Variants in TASP1 observed in about 807,000 individuals in gnomAD.
TASP1 encodes threonine aspartase 1.
A neutral mutation model predicts 56.6 loss-of-function variants in TASP1; 16 were observed. That is an observed-to-expected ratio of 0.28 (90% CI 0.19 to 0.43). TASP1 has a LOEUF of 0.43. TASP1 is among the 20% of genes least tolerant of loss of function. The pLI is 1.00. For synonymous variants in TASP1, 179 were observed against 184.2 expected, an observed-to-expected ratio of 0.97 and a Z score of 0.23; for missense variants, 393 against 511.6, an observed-to-expected ratio of 0.77 and a Z score of 2.24.
chr20:13,227,909 T>C, the TASP1 span, among the ~76,000 whole-genome samples: 1,771 of 152,178 alleles, frequency 0.012, 35 homozygotes, highest in African/African-American at 0.04. Context: ...CCAATAATTA[T>C]TTAGACTTAA....
the TASP1 span, among the ~76,000 whole-genome samples, chr20:13,295,367 A>G: frequency 4.6e-5 from 7 of 152,212 alleles, no homozygotes; most frequent in Non-Finnish European, 8.8e-5. Context: ...CCTAAACTGA[A>G]CAAGATTGCC....
intron 11 of TASP1, among the ~76,000 whole-genome samples, chr20:13,435,930 G>C (rs2042986729): frequency 6.6e-6 from 1 of 152,082 alleles, no homozygotes; most frequent in South Asian, 2.1e-4. Flanking sequence ...TTAAATACAT[G>C]TATTTTTCTC....
At chr20:13,509,114 G>A (rs1054795234) in intron 10 of TASP1, among the ~76,000 whole-genome samples, 5 of 132,810 alleles carry the variant, frequency 3.8e-5, no homozygotes, top group Non-Finnish European at 8.1e-5. Context: ...ATGAATGAAT[G>A]AATGAAGAAA....
chr20:13,522,984 A>G (rs1341328457), intron 10 of TASP1, among the ~76,000 whole-genome samples: 3 of 152,198 alleles, frequency 2.0e-5, no homozygotes, highest in African/African-American at 7.2e-5. Context: ...TGTTGCTTAT[A>G]GGACTAAAGG....
the TASP1 span, among the ~76,000 whole-genome samples, chr20:13,257,175 A>G: frequency 7.2e-5 from 11 of 152,166 alleles, no homozygotes; most frequent in Non-Finnish European, 1.6e-4. Flanking sequence ...TGTATGTCTT[A>G]TTGGCTGGAA....
chr20:13,416,192 T>C (rs1449523513), intron 13 of TASP1, among the ~76,000 whole-genome samples: 1 of 152,220 alleles, frequency 6.6e-6, no homozygotes, highest in Non-Finnish European at 1.5e-5. Context: ...AACAGAGATA[T>C]AAAATGTTTA....
At chr20:13,507,814 T>C (rs1197478492) in intron 10 of TASP1, among the ~76,000 whole-genome samples, 1 of 152,146 alleles carries the variant, frequency 6.6e-6, no homozygotes, top group Admixed American at 6.5e-5. Context: ...GCATCATGTG[T>C]CCTAACTTCA....
At chr20:13,398,991 C>G (rs1248021057) in intron 13 of TASP1, among the ~76,000 whole-genome samples, 6 of 152,150 alleles carry the variant, frequency 3.9e-5, no homozygotes, top group African/African-American at 1.4e-4. Context: ...CCCTCTTTAT[C>G]AAAATAAGAA....
the TASP1 span, among the ~76,000 whole-genome samples, chr20:13,295,188 G>A: frequency 1.3e-5 from 2 of 152,130 alleles, no homozygotes; most frequent in African/African-American, 4.8e-5. Context: ...CCTGGCAGCT[G>A]TAACTCTCTG....
the TASP1 span, among the ~76,000 whole-genome samples, chr20:13,363,825 G>A: frequency 6.6e-6 from 1 of 152,330 alleles, no homozygotes; most frequent in East Asian, 1.9e-4. Flanking sequence ...TGTCAGAAGT[G>A]TTGCATTGAG....
At chr20:13,248,658 T>C in the TASP1 span, among the ~76,000 whole-genome samples, 1 of 152,228 alleles carries the variant, frequency 6.6e-6, no homozygotes, top group Non-Finnish European at 1.5e-5. Flanking sequence ...TTCAGTTCAC[T>C]TCTTTTCGTC....
the TASP1 span, among the ~76,000 whole-genome samples, chr20:13,113,577 T>C: frequency 1.3e-5 from 2 of 152,216 alleles, no homozygotes; most frequent in Non-Finnish European, 2.9e-5. Context: ...TTATTATTCA[T>C]ATGTAGAATA....
At position 13,502,635 on chromosome 20, in the gene TASP1, GAGAGGGTGCAACAGTATT is replaced by G. The variant is rs1367453685; in HGVS notation, c.875-19316_875-19299del. 2.0e-5 allele frequency among the ~76,000 whole-genome samples: 3 copies of G among 147,798 alleles called. 1 individual carries two copies. Among genetic ancestry groups the G allele is most frequent in the African/African-American group, 7.9e-5 (3 of 37,754 alleles). On this transcript the variant is annotated intron_variant, in intron 10 of 13. Transcript: ENST00000337743. The stretch of plus-strand genomic sequence containing the variant: ...TGGAGAAGAATTTGTGACAAGGTAG[GAGAGGGTGCAACAGTATT>G]ATTAATCAGAGAATTTGTGACAAGG...
downstream of TASP1, among the ~76,000 whole-genome samples, chr20:13,388,496 A>G (rs1299678216): frequency 2.6e-5 from 4 of 152,178 alleles, no homozygotes; most frequent in Admixed American, 1.3e-4. Flanking sequence ...TCTTAATAAA[A>G]GGGGTCCTTA....
chr20:13,293,974 CA>C, the TASP1 span, among the ~76,000 whole-genome samples: 18 of 140,598 alleles, frequency 1.3e-4, no homozygotes, highest in African/African-American at 1.1e-4. Context: ...AACTCCATCT[CA>C]AAAAAAAAAG....
the TASP1 span, among the ~76,000 whole-genome samples, chr20:13,133,787 G>A: frequency 6.6e-6 from 1 of 152,290 alleles, no homozygotes; most frequent in South Asian, 2.1e-4. Flanking sequence ...GGATGGTCCA[G>A]TGATTGTAGG....
chr20:13,584,235 G>T (rs1462550659), intron 5 of TASP1, among the ~76,000 whole-genome samples: 1 of 152,026 alleles, frequency 6.6e-6, no homozygotes, highest in African/African-American at 2.4e-5. Flanking sequence ...AGAGGTAAAT[G>T]AAAAATAAAC....
chr20:13,331,717 G>A, the TASP1 span, among the ~76,000 whole-genome samples: 1 of 148,178 alleles, frequency 6.7e-6, no homozygotes, highest in South Asian at 2.1e-4. Flanking sequence ...GAGTCCTGGT[G>A]ACTAATACAA....
At chr20:13,393,002 C>A (rs2041350293) in intron 13 of TASP1, 2 of 581,018 alleles carry the variant, frequency 3.4e-6, no homozygotes, top group Admixed American at 2.1e-5. Context: ...AAGGCTGGAG[C>A]TCACTTGCAG....
Sources: gnomAD v4.1 joint callset for allele counts (sites outside exome capture counted in the v4.1 genomes callset) on GRCh38, gnomAD v4.1.1 for gene constraint, MANE v1.5 for transcripts, NCBI Gene and HGNC (gene_info 2026-07-23, HGNC 2026-07-21) for gene names.